The following TRIM26 variants were observed in gnomAD, a reference collection of about 807,000 sequenced individuals.
TRIM26 encodes the protein tripartite motif containing 26, also known as tripartite motif-containing protein 26.
A neutral mutation model predicts 45.5 loss-of-function variants in TRIM26; 16 were observed. The ratio of observed to expected loss-of-function variants is 0.35; its 90% CI spans 0.24 to 0.53. TRIM26 has a LOEUF of 0.53. TRIM26 is among the 20% of genes least tolerant of loss of function. The probability of loss-of-function intolerance (pLI) is 0.92; values close to 1 mark genes in which losing one functional copy is unlikely to be tolerated. For missense variants in TRIM26, 442 were observed against 691.1 expected, an observed-to-expected ratio of 0.64 and a Z score of 4.04; for synonymous variants, 273 against 290.4, an observed-to-expected ratio of 0.94 and a Z score of 0.61.
At position 30,186,987 on chromosome 6, in the gene TRIM26, G is replaced by T; in HGVS notation, c.938-429C>A. 2 of 422,046 alleles carry T rather than the reference G, an allele frequency of 4.7e-6. No homozygotes were observed. Among genetic ancestry groups the T allele is most frequent in the Non-Finnish European group, 8.7e-6 (2 of 228,984 alleles). 26.1% of individuals were successfully genotyped at this position (422,046 alleles called of 1,614,324 possible). On this transcript the variant is annotated intron_variant, in intron 9 of 9. Transcript: ENST00000454678. The surrounding 1 kb of genome is among the most constrained non-coding windows in gnomAD (Gnocchi z 7.4). Reference sequence around the variant, plus strand: ...CAAGTAACTCTTGATATGCTTCTTGGTAATCCGGATCAGCTGCAGTGAAAG... The same window carrying T: ...CAAGTAACTCTTGATATGCTTCTTGTTAATCCGGATCAGCTGCAGTGAAAG...
intron 9 of TRIM26, among the ~76,000 whole-genome samples, chr6:30,188,027 G>A (rs1441095690): frequency 4.1e-5 from 6 of 147,168 alleles, no homozygotes; most frequent in African/African-American, 1.3e-4. Context: ...AGACCATCCT[G>A]GCTAACACGG....
At chr6:30,193,965 T>G (rs1776208943) in intron 6 of TRIM26, among the ~76,000 whole-genome samples, 1 of 152,170 alleles carries the variant, frequency 6.6e-6, no homozygotes, top group African/African-American at 2.4e-5. Flanking sequence ...GTTCTAAGGG[T>G]TTTTTGGTGG....
intron 9 of TRIM26, chr6:30,188,309 A>T: frequency 1.8e-6 from 1 of 557,242 alleles, no homozygotes; most frequent in Non-Finnish European, 2.9e-6. Context: ...GTTGTAACAC[A>T]AGCATTCAGG....
intron 6 of TRIM26, among the ~76,000 whole-genome samples, chr6:30,193,235 G>A (rs1264761718): frequency 2.9e-5 from 4 of 137,880 alleles, no homozygotes; most frequent in Non-Finnish European, 6.1e-5. Flanking sequence ...AGGCTGGAAT[G>A]CAGTGGCACA....
In TRIM26 at chr6:30,198,588, G is replaced by C. The variant is rs1019229161; in HGVS notation, c.439-64C>G. On this transcript the variant is annotated intron_variant, in intron 4 of 9. Transcript: ENST00000454678. The surrounding 1 kb of genome is among the most constrained non-coding windows in gnomAD (Gnocchi z 6.3). ...GGGCTGGGGCAGGAAGGGAGACTCAGGCTGAGTCCTCTGAGGACTGCAAGG... is the reference window on the plus strand; with the variant it reads ...GGGCTGGGGCAGGAAGGGAGACTCACGCTGAGTCCTCTGAGGACTGCAAGG... 3 of 1,611,416 alleles carry C rather than the reference G, an allele frequency of 1.9e-6. No homozygotes were observed. In the African/African-American group the frequency reaches 4.0e-5, roughly 22 times the overall value.
At chr6:30,210,738 G>C (rs561935976) in intron 1 of TRIM26, among the ~76,000 whole-genome samples, 1 of 144,418 alleles carries the variant, frequency 6.9e-6, no homozygotes, top group African/African-American at 2.6e-5. Context: ...ACAATATACC[G>C]TAATAAAAGT....
In TRIM26 at chr6:30,207,852, T is replaced by C. The variant is rs761412336; in HGVS notation, c.-375-3087A>G. ...TCCCTTTCCCACTTAGCAAATGCCTTTTCTAGCTTGAAGTCTCAGCTGAAA... is the reference window on the plus strand; with the variant it reads ...TCCCTTTCCCACTTAGCAAATGCCTCTTCTAGCTTGAAGTCTCAGCTGAAA... On this transcript the variant is annotated intron_variant, in intron 1 of 9. Coordinates refer to ENST00000454678, the MANE Select transcript of TRIM26 (RefSeq NM_003449.5). The surrounding 1 kb of genome is among the most constrained non-coding windows in gnomAD (Gnocchi z 4.9). Among the ~76,000 whole-genome samples, 1 of 152,228 alleles carries C rather than the reference T, an allele frequency of 6.6e-6. No homozygotes were observed. The highest frequency in any genetic ancestry group is 1.5e-5 in the Non-Finnish European group (1 of 68,046).
Position 30,186,650 on chromosome 6 carries a change from G to T in TRIM26, c.938-92C>A. 2 of 1,407,878 alleles carry T rather than the reference G, an allele frequency of 1.4e-6. No individual in the cohort carries two copies. Among genetic ancestry groups the T allele is most frequent in the Non-Finnish European group, 9.3e-7 (1 of 1,070,680 alleles). The allele number at this position is 1,407,878 out of a possible 1,614,324, so 87.2% of individuals were successfully genotyped here. Reference sequence around the variant, plus strand: ...AATAAAATTTATTTTGGCAGATAGCGTTAAACAAAATTAAAGTTGCATACA... The same window carrying T: ...AATAAAATTTATTTTGGCAGATAGCTTTAAACAAAATTAAAGTTGCATACA... On this transcript the variant is annotated intron_variant, in intron 9 of 9. Transcript: ENST00000454678. The surrounding 1 kb of genome is among the most constrained non-coding windows in gnomAD (Gnocchi z 7.4).
At position 30,207,115 on chromosome 6, in the gene TRIM26, C is replaced by T. The variant is rs1016894209; in HGVS notation, c.-375-2350G>A. ...AATTTGAGGAGCTGACAATTGGCCA[C>T]AGGTGGAGTGCAGTGAGGCGAGCAG... On this transcript the variant is annotated intron_variant, in intron 1 of 9. Coordinates refer to ENST00000454678, the MANE Select transcript of TRIM26 (RefSeq NM_003449.5). This position sits in a 1 kb window ranked among gnomAD's most constrained non-coding sequence, Gnocchi z 4.9. Among the ~76,000 whole-genome samples, 1 of 152,158 alleles carries T rather than the reference C, an allele frequency of 6.6e-6. No individual in the cohort carries two copies. Among genetic ancestry groups the T allele is most frequent in the Non-Finnish European group, 1.5e-5 (1 of 68,024 alleles).
In TRIM26 at chr6:30,189,048, T is replaced by C. The variant is rs1775522164; in HGVS notation, c.937+119A>G. On this transcript the variant is annotated intron_variant, in intron 9 of 9. Transcript: ENST00000454678. This position sits in a 1 kb window ranked among gnomAD's most constrained non-coding sequence, Gnocchi z 5.0. ...GGGAGGGGGGCTTCTATTGTGCAGC[T>C]GGGAAATTCTTCCTGTTGCAAAAGG... 4 of 1,123,150 alleles carry C rather than the reference T, an allele frequency of 3.6e-6. No individual in the cohort carries two copies. Among genetic ancestry groups the C allele is most frequent in the Non-Finnish European group, 5.2e-6 (4 of 775,776 alleles). 69.6% of individuals were successfully genotyped at this position (1,123,150 alleles called of 1,614,324 possible).
intron 1 of TRIM26, among the ~76,000 whole-genome samples, chr6:30,208,902 A>ATGTGTG (rs1491104453): frequency 5.1e-4 from 38 of 74,578 alleles, no homozygotes; most frequent in African/African-American, 1.5e-3. Context: ...GGGATATAGA[A>ATGTGTG]TATGTGTGTG....
intron 6 of TRIM26, among the ~76,000 whole-genome samples, chr6:30,192,830 C>T (rs1007250127): frequency 3.9e-4 from 59 of 152,132 alleles, no homozygotes; most frequent in African/African-American, 1.3e-3. Flanking sequence ...CAAATAAGCA[C>T]ACAGACAAAA....
Position 30,186,195 on chromosome 6 carries a change from A to C in TRIM26, c.1301T>G (p.Leu434Arg). ...AGCCACCCCCACCATGCAGCTTTCC[A>C]GAACTTCCTCCTCTTCCTCCTCCTC... ...EEEEEEEEEVLESCMVGVARD... is the reference protein window; with the variant it reads ...EEEEEEEEEVRESCMVGVARD... Residue 434 changes from leucine (L) to arginine (R), a missense_variant, in exon 10 of 10, where the codon CTG becomes CGG. Coordinates refer to ENST00000454678, the MANE Select transcript of TRIM26 (RefSeq NM_003449.5). This position sits in a 1 kb window ranked among gnomAD's most constrained non-coding sequence, Gnocchi z 7.4. 1.9e-6 allele frequency: 3 copies of C among 1,597,656 alleles called. No homozygotes were observed.
intron 6 of TRIM26, among the ~76,000 whole-genome samples, chr6:30,193,179 TATA>T (rs1389890614): frequency 9.3e-5 from 6 of 64,668 alleles, no homozygotes; most frequent in Non-Finnish European, 1.1e-4. Context: ...TATATATATA[TATA>T]TTTTTTTTTT....
At chr6:30,205,569 G>A (rs567309312) in intron 1 of TRIM26, among the ~76,000 whole-genome samples, 82 of 152,336 alleles carry the variant, frequency 5.4e-4, no homozygotes, top group African/African-American at 4.1e-4. Context: ...CGGGCACGGG[G>A]GCTTGTGCCT....
chr6:30,199,325 A>AT (rs1776855583), intron 3 of TRIM26, 61 bp from the exon 4 acceptor site: 2 of 476,070 alleles, frequency 4.2e-6, no homozygotes, highest in South Asian at 1.0e-4. Context: ...CAACTTCCTC[A>AT]TTGTACAGAT....
At position 30,204,744 on chromosome 6, in the gene TRIM26, C is replaced by G. The variant is rs1378821603; in HGVS notation, c.-354G>C. 1 of 152,000 alleles carries G rather than the reference C, an allele frequency of 6.6e-6. No homozygotes were observed. Among genetic ancestry groups the G allele is most frequent in the Non-Finnish European group, 1.5e-5 (1 of 68,064 alleles). 9.4% of individuals were successfully genotyped at this position (152,000 alleles called of 1,614,324 possible). ...TCCACAATAAGAGGTAAAACCATTA[C>G]CCTTCTCTCCATTCCTGACTCCTGG... On this transcript the variant is annotated 5_prime_UTR_variant, in exon 2 of 10. Coordinates refer to ENST00000454678, the MANE Select transcript of TRIM26 (RefSeq NM_003449.5).
intron 2 of TRIM26, among the ~76,000 whole-genome samples, chr6:30,204,303 T>C (rs1777498556): frequency 6.6e-6 from 1 of 152,216 alleles, no homozygotes; most frequent in Non-Finnish European, 1.5e-5. Context: ...AAATGGGGTC[T>C]AATACCAGCT....
chr6:30,185,845 G>A lies in TRIM26; in HGVS notation c.*31C>T, dbSNP rs1775101888. On this transcript the variant is annotated 3_prime_UTR_variant, in exon 10 of 10. Transcript: ENST00000454678. The surrounding 1 kb of genome is among the most constrained non-coding windows in gnomAD (Gnocchi z 5.7). ...GGAATTCCAAAGAAGTGAAGCATCT[G>A]AGGGTTGGGGCTGGGGGCAGATGTC... 6.3e-7 allele frequency: 1 copy of A among 1,585,934 alleles called. No individual in the cohort carries two copies. Among genetic ancestry groups the A allele is most frequent in the Non-Finnish European group, 8.6e-7 (1 of 1,164,820 alleles).
Sources: gnomAD v4.1 joint callset for allele counts (sites outside exome capture counted in the v4.1 genomes callset) on GRCh38, gnomAD v4.1.1 for gene constraint, Gnocchi (gnomAD v3.1) non-coding constraint, MANE v1.5 for transcripts, NCBI Gene and HGNC (gene_info 2026-07-23, HGNC 2026-07-21) for gene names.